The following SLC36A1 variants were observed in gnomAD, a reference collection of about 807,000 sequenced individuals.
SLC36A1 encodes proton-coupled amino acid transporter 1.
In SLC36A1, 30 loss-of-function variants were observed where a neutral mutation model predicts 47.5. The observed-to-expected ratio is 0.63, with a 90% CI of 0.47 to 0.86. The LOEUF (loss-of-function observed/expected upper bound fraction) is 0.86. Among genes scored for constraint, SLC36A1 ranks in the 40% least tolerant of loss-of-function variants. SLC36A1 has a pLI of 0.00. For missense variants in SLC36A1, 517 were observed against 606.0 expected, an observed-to-expected ratio of 0.85 and a Z score of 1.54; for synonymous variants, 255 against 249.7, an observed-to-expected ratio of 1.02 and a Z score of -0.20.
the SLC36A1 span, chr5:151,542,314 T>G: frequency 6.2e-7 from 1 of 1,610,244 alleles, no homozygotes; most frequent in Non-Finnish European, 8.5e-7. Context: ...CTGCCTGTTC[T>G]GCTCAGAAAT....
chr5:151,527,398 G>A, the SLC36A1 span: 5 of 1,576,338 alleles, frequency 3.2e-6, no homozygotes, highest in East Asian at 6.8e-5. Flanking sequence ...ATGTCCAGTG[G>A]AGGTTAGCAA....
At chr5:151,362,258 T>C in the SLC36A1 span, among the ~76,000 whole-genome samples, 1 of 152,282 alleles carries the variant, frequency 6.6e-6, no homozygotes, top group African/African-American at 2.4e-5. Context: ...TTTTCTTTTT[T>C]TCCCCCTCTG....
chr5:151,363,586 T>G, the SLC36A1 span, among the ~76,000 whole-genome samples: 1 of 152,164 alleles, frequency 6.6e-6, no homozygotes, highest in African/African-American at 2.4e-5. Flanking sequence ...CCCCAGAGCT[T>G]ATCATTTTCT....
At chr5:151,534,441 A>G in the SLC36A1 span, 1 of 1,612,930 alleles carries the variant, frequency 6.2e-7, no homozygotes, top group Non-Finnish European at 8.5e-7. Context: ...TACTACAGCC[A>G]CAGGGGTCTT....
chr5:151,419,686 G>A, the SLC36A1 span, among the ~76,000 whole-genome samples: 2 of 152,326 alleles, frequency 1.3e-5, no homozygotes, highest in South Asian at 2.1e-4. Context: ...TGAAGTATTT[G>A]CATTTCTAAT....
At chr5:151,548,744 G>T in the SLC36A1 span, among the ~76,000 whole-genome samples, 29 of 152,144 alleles carry the variant, frequency 1.9e-4, no homozygotes, top group Admixed American at 5.2e-4. Flanking sequence ...GCCTCCCAAA[G>T]TGCTAGGATT....
the SLC36A1 span, among the ~76,000 whole-genome samples, chr5:151,383,605 C>T: frequency 0.015 from 2,101 of 143,000 alleles, 42 homozygotes; most frequent in African/African-American, 0.053. Context: ...CAGAGACTCG[C>T]TCTGTCGCCC....
At chr5:151,475,956 A>G (rs1757995943) in intron 8 of SLC36A1, among the ~76,000 whole-genome samples, 1 of 152,228 alleles carries the variant, frequency 6.6e-6, no homozygotes, top group South Asian at 2.1e-4. Context: ...CTTTTACCAA[A>G]GTTAAAGAAT....
At chr5:151,433,071 A>G (rs942201508), upstream of SLC36A1, among the ~76,000 whole-genome samples, 1 of 151,238 alleles carries the variant, frequency 6.6e-6, no homozygotes, top group Non-Finnish European at 1.5e-5. Context: ...GAGGTAGAAA[A>G]TGAACATACT....
Position 151,486,266 on chromosome 5 carries a change from C to A in SLC36A1, c.1160-1717C>A, listed in dbSNP as rs114092894. On this transcript the variant is annotated intron_variant, in intron 10 of 10. Transcript: ENST00000243389. ...AAACAACAGCTCTCTCAGGGAGGGCCCCAAGTCATTCATGAGGGATTTGCC... is the reference window on the plus strand; with the variant it reads ...AAACAACAGCTCTCTCAGGGAGGGCACCAAGTCATTCATGAGGGATTTGCC... Among the ~76,000 whole-genome samples the A allele has an allele frequency of 6.4e-3, 976 of 152,138 alleles. 9 individuals are homozygous for A. Among genetic ancestry groups the A allele is most frequent in the African/African-American group, 0.023 (942 of 41,504 alleles).
upstream of SLC36A1, among the ~76,000 whole-genome samples, chr5:151,432,117 A>G (rs950728187): frequency 3.3e-5 from 5 of 152,254 alleles, no homozygotes; most frequent in African/African-American, 1.2e-4. Flanking sequence ...TGAATATCAC[A>G]GGCCAGGCAC....
the SLC36A1 span, chr5:151,512,793 G>A: frequency 1.6e-6 from 1 of 608,670 alleles, no homozygotes; most frequent in Non-Finnish European, 2.9e-6. The surrounding 1 kb of genome is among the most constrained non-coding windows in gnomAD (Gnocchi z 4.1). Context: ...GGTCTCCTTT[G>A]TTCTCACCAC....
the SLC36A1 span, among the ~76,000 whole-genome samples, chr5:151,541,491 G>A: frequency 6.6e-6 from 1 of 152,160 alleles, no homozygotes; most frequent in Admixed American, 6.5e-5. Context: ...GTGGTTCTTG[G>A]TTGGAATTTC....
At chr5:151,492,840 A>G (rs113978579), downstream of SLC36A1, among the ~76,000 whole-genome samples, 1 of 152,220 alleles carries the variant, frequency 6.6e-6, no homozygotes, top group Non-Finnish European at 1.5e-5. Context: ...AAAGGCCTTT[A>G]GAACAAAGCT....
chr5:151,398,719 G>A, the SLC36A1 span, among the ~76,000 whole-genome samples: 1 of 152,148 alleles, frequency 6.6e-6, no homozygotes, highest in Non-Finnish European at 1.5e-5. Context: ...AGAGCAACAG[G>A]GGAAGAATTT....
intron 10 of SLC36A1, among the ~76,000 whole-genome samples, chr5:151,485,212 CT>C (rs1759359324): frequency 6.6e-6 from 1 of 152,140 alleles, no homozygotes; most frequent in Non-Finnish European, 1.5e-5. Flanking sequence ...AAAGCCTAAA[CT>C]TTTTGCACAC....
the SLC36A1 span, among the ~76,000 whole-genome samples, chr5:151,546,826 C>T: frequency 6.6e-6 from 1 of 152,064 alleles, no homozygotes; most frequent in Admixed American, 6.5e-5. Flanking sequence ...TCAAGCGGTC[C>T]TCCAGCCTCA....
chr5:151,444,257 A>G (rs1561714480), upstream of SLC36A1, among the ~76,000 whole-genome samples: 1 of 152,204 alleles, frequency 6.6e-6, no homozygotes. Context: ...TGCTTTGGAT[A>G]GTATGGACAT....
At chr5:151,408,452 G>T in the SLC36A1 span, among the ~76,000 whole-genome samples, 1 of 152,158 alleles carries the variant, frequency 6.6e-6, no homozygotes, top group Non-Finnish European at 1.5e-5. Context: ...CTCCTAAAGT[G>T]CTGGGATTAC....
Sources: gnomAD v4.1 joint callset for allele counts (sites outside exome capture counted in the v4.1 genomes callset) on GRCh38, gnomAD v4.1.1 for gene constraint, Gnocchi (gnomAD v3.1) non-coding constraint, MANE v1.5 for transcripts, NCBI Gene and HGNC (gene_info 2026-07-23, HGNC 2026-07-21) for gene names.